KATNBL1: variants seen among roughly 807,000 people sequenced by gnomAD.
KATNBL1 encodes the protein katanin regulatory subunit B1 like 1.
A neutral mutation model predicts 44.7 loss-of-function variants in KATNBL1; 28 were observed. The ratio of observed to expected loss-of-function variants is 0.63; its 90% CI spans 0.46 to 0.86. The LOEUF is 0.86. Among genes scored for constraint, KATNBL1 ranks in the 40% least tolerant of loss-of-function variants. The probability of loss-of-function intolerance (pLI) is 0.00; values close to 1 mark genes in which losing one functional copy is unlikely to be tolerated. For missense variants in KATNBL1, 272 were observed against 350.7 expected (o/e 0.78, Z 1.79); for synonymous variants, 78 against 114.9 (o/e 0.68, Z 2.06).
At chr15:34,184,153 AG>A (rs1205667055) in intron 1 of KATNBL1, among the ~76,000 whole-genome samples, 1 of 152,118 alleles carries the variant, frequency 6.6e-6, no homozygotes, top group African/African-American at 2.4e-5. Context: ...AAAATACAAA[AG>A]AATTAGCCAG....
chr15:34,184,852 C>T (rs925423757), intron 1 of KATNBL1, among the ~76,000 whole-genome samples: 1 of 151,964 alleles, frequency 6.6e-6, no homozygotes, highest in Non-Finnish European at 1.5e-5. Flanking sequence ...GGATTACAGG[C>T]ATGAGCCACT....
At chr15:34,170,875 T>A (rs1368675253) in intron 1 of KATNBL1, among the ~76,000 whole-genome samples, 2 of 152,328 alleles carry the variant, frequency 1.3e-5, no homozygotes, top group East Asian at 3.9e-4. Context: ...GAAAACTGGC[T>A]AGCCATATGT....
intron 1 of KATNBL1, among the ~76,000 whole-genome samples, chr15:34,202,491 A>T (rs1890197214): frequency 6.6e-6 from 1 of 152,180 alleles, no homozygotes; most frequent in Admixed American, 6.5e-5. Context: ...TGTGAGGATT[A>T]TATTACATCC....
intron 1 of KATNBL1, among the ~76,000 whole-genome samples, chr15:34,201,080 G>A (rs1386397060): frequency 6.6e-6 from 1 of 152,132 alleles, no homozygotes; most frequent in Non-Finnish European, 1.5e-5. Flanking sequence ...CTCCCAAAGT[G>A]CTGGGATTAC....
intron 1 of KATNBL1, among the ~76,000 whole-genome samples, chr15:34,184,543 T>C (rs1306359709): frequency 1.3e-5 from 2 of 150,006 alleles, no homozygotes; most frequent in African/African-American, 4.9e-5. Flanking sequence ...ACATAGCTTT[T>C]GGTATTAATA....
intron 1 of KATNBL1, among the ~76,000 whole-genome samples, chr15:34,174,547 G>C (rs1889264567): frequency 6.6e-6 from 1 of 152,076 alleles, no homozygotes; most frequent in Non-Finnish European, 1.5e-5. Context: ...GATTGATGGA[G>C]TAAATTCAGA....
At chr15:34,207,520 G>A (rs979531548) in intron 1 of KATNBL1, among the ~76,000 whole-genome samples, 2 of 152,030 alleles carry the variant, frequency 1.3e-5, no homozygotes, top group East Asian at 3.9e-4. Context: ...AAAATGTTTT[G>A]TAGAGATGGA....
intron 9 of KATNBL1, among the ~76,000 whole-genome samples, chr15:34,144,038 T>C (rs1222457575): frequency 6.7e-6 from 1 of 149,240 alleles, no homozygotes; most frequent in African/African-American, 2.5e-5. Flanking sequence ...TTGGTTGATA[T>C]ATCATTTTGC....
intron 1 of KATNBL1, among the ~76,000 whole-genome samples, chr15:34,173,355 CAAAT>C (rs1428715428): frequency 6.6e-6 from 1 of 151,988 alleles, no homozygotes; most frequent in Non-Finnish European, 1.5e-5. Flanking sequence ...AATATACAAA[CAAAT>C]AAAAAATAAA....
At chr15:34,189,289 G>A (rs927994143) in intron 1 of KATNBL1, among the ~76,000 whole-genome samples, 3 of 152,232 alleles carry the variant, frequency 2.0e-5, no homozygotes, top group African/African-American at 7.2e-5. Flanking sequence ...CTCCCAAAGT[G>A]CTGGGATTAC....
intron 1 of KATNBL1, among the ~76,000 whole-genome samples, chr15:34,173,553 C>CA (rs942544531): frequency 3.3e-5 from 5 of 150,846 alleles, no homozygotes; most frequent in African/African-American, 4.9e-5. Flanking sequence ...AAGGATAAAC[C>CA]AAAAAAAAGA....
intron 1 of KATNBL1, among the ~76,000 whole-genome samples, chr15:34,193,546 T>A (rs12904036): frequency 0.65 from 98,212 of 151,788 alleles, 34,170 homozygotes; most frequent in Non-Finnish European, 0.77. Context: ...AAAAATAAAT[T>A]AATTAATTAA....
intron 1 of KATNBL1, among the ~76,000 whole-genome samples, chr15:34,180,935 T>C (rs1415462723): frequency 6.6e-6 from 1 of 151,984 alleles, no homozygotes; most frequent in African/African-American, 2.4e-5. Context: ...CAAAAAACCT[T>C]CCTTCAAAAT....
At chr15:34,197,628 G>A (rs1226889679) in intron 1 of KATNBL1, among the ~76,000 whole-genome samples, 1 of 152,016 alleles carries the variant, frequency 6.6e-6, no homozygotes, top group Non-Finnish European at 1.5e-5. Context: ...TCTAAATAGT[G>A]GTATTACATT....
rs973844543 is a variant in KATNBL1, at chr15:34,141,245, T to A, written c.*1094A>T. 1 of 152,542 alleles carries A rather than the reference T, an allele frequency of 6.6e-6. No individual in the cohort carries two copies. The highest frequency in any genetic ancestry group is 1.5e-5 in the Non-Finnish European group (1 of 67,994). The allele number at this position is 152,542 out of a possible 1,614,324, so 9.4% of individuals were successfully genotyped here. A position where few individuals can be genotyped will look rare whatever the true frequency, so the allele number is the denominator to read the frequency against. On this transcript the variant is annotated 3_prime_UTR_variant, in exon 10 of 10. Coordinates refer to ENST00000256544, the MANE Select transcript of KATNBL1 (RefSeq NM_024713.3). ...TCTGCTAGCATATCATACTAACCAT[T>A]AGAGGAGGTAGTGACACAAAGTGTT...
At chr15:34,189,350 A>G (rs942992192) in intron 1 of KATNBL1, among the ~76,000 whole-genome samples, 1 of 152,182 alleles carries the variant, frequency 6.6e-6, no homozygotes, top group Non-Finnish European at 1.5e-5. Context: ...TACCACATCT[A>G]TGTAAGTATA....
At chr15:34,200,423 T>C (rs530687423) in intron 1 of KATNBL1, among the ~76,000 whole-genome samples, 1 of 14,126 alleles carries the variant, frequency 7.1e-5, no homozygotes, top group South Asian at 2.4e-3. Context: ...CAGCTAATTG[T>C]TTTTTTTTTT....
At chr15:34,204,559 CA>C (rs1199861106) in intron 1 of KATNBL1, among the ~76,000 whole-genome samples, 1 of 152,068 alleles carries the variant, frequency 6.6e-6, no homozygotes, top group Non-Finnish European at 1.5e-5. Flanking sequence ...GGTCTGTCAA[CA>C]AGGATCAAAA....
intron 1 of KATNBL1, chr15:34,209,495 G>T (rs944927709): frequency 1.3e-5 from 2 of 152,146 alleles, no homozygotes; most frequent in South Asian, 4.1e-4. Flanking sequence ...TCAAGTTTTT[G>T]TCCTGCGAAA....
Sources: gnomAD v4.1 joint callset for allele counts (sites outside exome capture counted in the v4.1 genomes callset) on GRCh38, gnomAD v4.1.1 for gene constraint, MANE v1.5 for transcripts, NCBI Gene and HGNC (gene_info 2026-07-23, HGNC 2026-07-21) for gene names.